CTDSPL: variants seen among roughly 807,000 people sequenced by gnomAD.
CTDSPL encodes CTD small phosphatase like.
CTDSPL carries 8 observed loss-of-function variants against 30.5 expected under a neutral mutation model. The observed-to-expected ratio is 0.26, with a 90% CI of 0.15 to 0.47. CTDSPL has a LOEUF of 0.47. Among genes scored for constraint, CTDSPL ranks in the 20% least tolerant of loss-of-function variants. The probability of loss-of-function intolerance (pLI) is 0.99; values close to 1 mark genes in which losing one functional copy is unlikely to be tolerated. For missense variants in CTDSPL, 248 were observed against 366.1 expected (o/e 0.68, Z 2.63); for synonymous variants, 110 against 137.9 (o/e 0.80, Z 1.42).
In CTDSPL at chr3:37,983,962, T is replaced by TAA. The variant is rs372254919; in HGVS notation, c.*3105_*3106dup. On this transcript the variant is annotated 3_prime_UTR_variant, in exon 8 of 8. Transcript: ENST00000273179. The stretch of plus-strand genomic sequence containing the variant: ...GTTGCAGCATTTGAACTTTTGGTGT[T>TAA]AAAAAAAAAAACCTGTAAGTCTGTA... 1.0e-4 allele frequency: 21 copies of TAA among 204,288 alleles called. No homozygotes were observed. The highest frequency in any genetic ancestry group is 2.1e-4 in the East Asian group (2 of 9,740). The allele number at this position is 204,288 out of a possible 1,614,324, so 12.7% of individuals were successfully genotyped here.
In CTDSPL at chr3:37,893,367, A is replaced by G. The variant is rs79158919; in HGVS notation, c.79+31089A>G. On this transcript the variant is annotated intron_variant, in intron 1 of 7. Transcript: ENST00000273179. ...ACACTTCACAGCAGCTTTAAAAAGTATTAAGAGAACTCATAAAAGTCAGAG... is the reference window on the plus strand; with the variant it reads ...ACACTTCACAGCAGCTTTAAAAAGTGTTAAGAGAACTCATAAAAGTCAGAG... Among the ~76,000 whole-genome samples the G allele has an allele frequency of 6.0e-4, 91 of 152,346 alleles. 3 individuals carry two copies. The East Asian group carries it at 8.5e-3, about 14-fold the overall frequency.
At chr3:37,959,699 T>C (rs190129571) in intron 3 of CTDSPL, among the ~76,000 whole-genome samples, 8 of 152,346 alleles carry the variant, frequency 5.3e-5, no homozygotes, top group Admixed American at 1.3e-4. Context: ...TCTGTGTGCT[T>C]ATGGACTTGT....
At chr3:37,873,278 C>T (rs990585625) in intron 1 of CTDSPL, among the ~76,000 whole-genome samples, 1 of 152,176 alleles carries the variant, frequency 6.6e-6, no homozygotes, top group Non-Finnish European at 1.5e-5. Flanking sequence ...TGATATTAGG[C>T]TATAGTAGAG....
intron 1 of CTDSPL, among the ~76,000 whole-genome samples, chr3:37,900,829 C>T (rs598734): frequency 6.6e-6 from 1 of 152,084 alleles, no homozygotes; most frequent in African/African-American, 2.4e-5. Context: ...GACGAAGTCT[C>T]GCTCTGTTGC....
intron 1 of CTDSPL, chr3:37,911,851 G>A (rs1427307179): frequency 1.0e-5 from 4 of 385,976 alleles, no homozygotes; most frequent in Non-Finnish European, 2.1e-5. Flanking sequence ...TTGAGTTCGG[G>A]GGTTTGAGAC....
At chr3:37,871,424 GC>G (rs1374878299) in intron 1 of CTDSPL, among the ~76,000 whole-genome samples, 1 of 152,212 alleles carries the variant, frequency 6.6e-6, no homozygotes, top group Non-Finnish European at 1.5e-5. Flanking sequence ...ACATATGTGT[GC>G]AGGTCTTTGT....
intron 1 of CTDSPL, among the ~76,000 whole-genome samples, chr3:37,906,098 C>T (rs947305808): frequency 9.2e-5 from 14 of 152,336 alleles, no homozygotes; most frequent in African/African-American, 3.4e-4. Flanking sequence ...TCCACATCTA[C>T]TCTCTGTCCT....
At chr3:37,880,330 A>G (rs1559623289) in intron 1 of CTDSPL, among the ~76,000 whole-genome samples, 1 of 149,014 alleles carries the variant, frequency 6.7e-6, no homozygotes, top group Non-Finnish European at 1.5e-5. Flanking sequence ...TGAAGCTTAG[A>G]TAGTATTTGG....
At chr3:37,865,208 AT>A in intron 1 of CTDSPL, among the ~76,000 whole-genome samples, 1 of 152,334 alleles carries the variant, frequency 6.6e-6, no homozygotes, top group South Asian at 2.1e-4. Context: ...AAAGAGACAA[AT>A]TTCCCTGTAA....
intron 1 of CTDSPL, among the ~76,000 whole-genome samples, chr3:37,896,564 T>A (rs913704339): frequency 2.6e-5 from 4 of 152,096 alleles, no homozygotes; most frequent in African/African-American, 4.8e-5. Flanking sequence ...TGAGACAGAG[T>A]CTTGCTTTGT....
In CTDSPL at chr3:37,862,316, G is replaced by C; in HGVS notation, c.79+38G>C. ...GCAGGCGGCCGCGGGCTGGGGGCGA[G>C]CGCACACCCCGCGCCGCTGGAGTTC... On this transcript the variant is annotated intron_variant, in intron 1 of 7. Transcript: ENST00000273179. This position sits in a 1 kb window ranked among gnomAD's most constrained non-coding sequence, Gnocchi z 4.3. 6.9e-7 allele frequency: 1 copy of C among 1,439,010 alleles called. No individual in the cohort carries two copies. The highest frequency in any genetic ancestry group is 2.9e-5 in the East Asian group (1 of 34,654). The allele number at this position is 1,439,010 out of a possible 1,614,324, so 89.1% of individuals were successfully genotyped here. A position where few individuals can be genotyped will look rare whatever the true frequency, so the allele number is the denominator to read the frequency against.
intron 1 of CTDSPL, among the ~76,000 whole-genome samples, chr3:37,885,004 A>G (rs1698248080): frequency 1.3e-5 from 2 of 152,136 alleles, no homozygotes; most frequent in African/African-American, 2.4e-5. Flanking sequence ...ATAAGCCCGC[A>G]TTTTTAGGGA....
rs944927513 is a variant in CTDSPL, at chr3:37,981,677, A to G, written c.*810A>G. The G allele has an allele frequency of 3.0e-6, 1 of 330,902 alleles. No individual in the cohort carries two copies. The highest frequency in any genetic ancestry group is 6.0e-6 in the Non-Finnish European group (1 of 165,466). The allele number at this position is 330,902 out of a possible 1,614,324, so 20.5% of individuals were successfully genotyped here. On this transcript the variant is annotated 3_prime_UTR_variant, in exon 8 of 8. Coordinates refer to ENST00000273179, the MANE Select transcript of CTDSPL (RefSeq NM_001008392.2). ...GGTCACATTTTCTCCTTGAAAAGTG[A>G]CATCCTGTCACTTCTGCTCTCACAC...
intron 1 of CTDSPL, among the ~76,000 whole-genome samples, chr3:37,898,247 G>A (rs1400698607): frequency 3.3e-5 from 5 of 152,164 alleles, no homozygotes; most frequent in African/African-American, 1.2e-4. Flanking sequence ...GTACCCCTAG[G>A]CCCAGGCCCC....
chr3:37,915,957 C>G (rs1265618091), intron 1 of CTDSPL, among the ~76,000 whole-genome samples: 1 of 152,160 alleles, frequency 6.6e-6, no homozygotes, highest in Non-Finnish European at 1.5e-5. Flanking sequence ...CACTATGAAT[C>G]TGGTATGACT....
At chr3:37,966,662 G>A (rs1020690980) in intron 4 of CTDSPL, among the ~76,000 whole-genome samples, 7 of 152,324 alleles carry the variant, frequency 4.6e-5, no homozygotes, top group African/African-American at 1.7e-4. Flanking sequence ...GTGATCATAA[G>A]CTAAGTGCTT....
At chr3:37,967,945 A>C (rs1699318214) in intron 5 of CTDSPL, 63 bp downstream of exon 5, 1 of 1,103,450 alleles carries the variant, frequency 9.1e-7, no homozygotes, top group Non-Finnish European at 1.3e-6. Flanking sequence ...ATTTCCTATG[A>C]ACTTTATTTC....
At chr3:37,893,355 G>T (rs1052859918) in intron 1 of CTDSPL, among the ~76,000 whole-genome samples, 4 of 152,182 alleles carry the variant, frequency 2.6e-5, no homozygotes, top group Non-Finnish European at 5.9e-5. Flanking sequence ...CTTCACAGCA[G>T]CTTTAAAAAG....
At chr3:37,893,889 T>G (rs1007681282) in intron 1 of CTDSPL, among the ~76,000 whole-genome samples, 3 of 152,188 alleles carry the variant, frequency 2.0e-5, no homozygotes, top group East Asian at 3.8e-4. Context: ...ACATGATATT[T>G]TTAATTACTC....
Sources: gnomAD v4.1 joint callset for allele counts (sites outside exome capture counted in the v4.1 genomes callset) on GRCh38, gnomAD v4.1.1 for gene constraint, Gnocchi (gnomAD v3.1) non-coding constraint, MANE v1.5 for transcripts, NCBI Gene and HGNC (gene_info 2026-07-23, HGNC 2026-07-21) for gene names.